PAK5: variants seen among roughly 807,000 people sequenced by gnomAD.
The protein encoded by PAK5 is serine/threonine-protein kinase PAK 5.
In PAK5, 16 loss-of-function variants were observed where a neutral mutation model predicts 65.9. The observed-to-expected ratio is 0.24, with a 90% CI of 0.16 to 0.37. The LOEUF is 0.37. Among genes scored for constraint, PAK5 ranks in the 10% least tolerant of loss-of-function variants. PAK5 has a pLI of 1.00. For missense variants in PAK5, 785 were observed against 903.9 expected (o/e 0.87, Z 1.69); for synonymous variants, 371 against 354.9 (o/e 1.05, Z -0.51).
At chr20:9,809,903 T>C (rs2049278241) in intron 1 of PAK5, among the ~76,000 whole-genome samples, 1 of 152,212 alleles carries the variant, frequency 6.6e-6, no homozygotes, top group African/African-American at 2.4e-5. Flanking sequence ...TGTCAAACTT[T>C]GGAAGACTCT....
At chr20:9,589,140 CA>C (rs1177643106) in intron 3 of PAK5, among the ~76,000 whole-genome samples, 8 of 152,322 alleles carry the variant, frequency 5.3e-5, no homozygotes, top group African/African-American at 1.9e-4. Flanking sequence ...TTTTGTCTTT[CA>C]GGTAAATATA....
intron 1 of PAK5, among the ~76,000 whole-genome samples, chr20:9,734,613 C>T (rs566710392): frequency 1.3e-5 from 2 of 151,418 alleles, no homozygotes; most frequent in East Asian, 3.9e-4. Context: ...AGAAAAACCC[C>T]AGGACCTGCT....
chr20:9,703,945 C>T (rs928704763), intron 2 of PAK5, among the ~76,000 whole-genome samples: 1 of 152,154 alleles, frequency 6.6e-6, no homozygotes, highest in Non-Finnish European at 1.5e-5. Flanking sequence ...AAGGCACCTG[C>T]TTCAGGTGAG....
chr20:9,550,731 GGTGTGT>G (rs111410496), intron 7 of PAK5, among the ~76,000 whole-genome samples: 46 of 148,544 alleles, frequency 3.1e-4, no homozygotes, highest in Non-Finnish European at 5.4e-4. Context: ...CCATAATTGT[GGTGTGT>G]GTGTGTGTGT....
intron 4 of PAK5, among the ~76,000 whole-genome samples, chr20:9,567,603 C>T (rs1022283563): frequency 2.0e-5 from 3 of 152,160 alleles, no homozygotes; most frequent in Non-Finnish European, 4.4e-5. Context: ...TGATTGTTCC[C>T]ATGCAGCACA....
chr20:9,646,289 C>A (rs1056947421), intron 2 of PAK5, among the ~76,000 whole-genome samples: 1 of 152,178 alleles, frequency 6.6e-6, no homozygotes, highest in Non-Finnish European at 1.5e-5. Context: ...CATAAATATT[C>A]TCTCAGCAAT....
intron 4 of PAK5, among the ~76,000 whole-genome samples, chr20:9,574,925 T>A: frequency 6.6e-6 from 1 of 152,212 alleles, no homozygotes. Flanking sequence ...AAACCCTGAA[T>A]GGATCTCTGA....
At chr20:9,740,317 T>C (rs2048437464) in intron 1 of PAK5, among the ~76,000 whole-genome samples, 1 of 152,094 alleles carries the variant, frequency 6.6e-6, no homozygotes, top group East Asian at 1.9e-4. Flanking sequence ...CTAAGACAAA[T>C]TGGTATTCTC....
intron 1 of PAK5, among the ~76,000 whole-genome samples, chr20:9,769,419 C>T (rs2048808859): frequency 6.6e-6 from 1 of 152,234 alleles, no homozygotes; most frequent in Non-Finnish European, 1.5e-5. Flanking sequence ...GTCTCTGTGA[C>T]ATGCTCTACC....
At chr20:9,679,232 T>C (rs1375037421) in intron 2 of PAK5, among the ~76,000 whole-genome samples, 1 of 152,228 alleles carries the variant, frequency 6.6e-6, no homozygotes, top group Non-Finnish European at 1.5e-5. Context: ...CAGTATATAA[T>C]ACATACACCA....
chr20:9,738,356 G>T (rs76037549), intron 1 of PAK5, among the ~76,000 whole-genome samples: 2,388 of 151,964 alleles, frequency 0.016, 21 homozygotes, highest in Middle Eastern at 0.044. Context: ...CCATACAAAG[G>T]CTTATATACA....
intron 2 of PAK5, among the ~76,000 whole-genome samples, chr20:9,650,319 C>G (rs925975369): frequency 3.3e-5 from 5 of 152,152 alleles, no homozygotes; most frequent in Non-Finnish European, 7.3e-5. Context: ...GACCCAGATT[C>G]AGTCTCTTCT....
chr20:9,704,047 T>C (rs556944845), intron 2 of PAK5, among the ~76,000 whole-genome samples: 29 of 152,130 alleles, frequency 1.9e-4, no homozygotes, highest in Non-Finnish European at 4.0e-4. Flanking sequence ...TAAGGGAACT[T>C]AGAAGTTTAA....
chr20:9,624,593 T>C lies in PAK5; in HGVS notation c.204+19532A>G, dbSNP rs546237972. The stretch of plus-strand genomic sequence containing the variant: ...TTCTCCTTACCTCTCTGTCTTATAA[T>C]GTGCTAGTGTTCCCATTATACCCTT... On this transcript the variant is annotated intron_variant, in intron 3 of 9. Coordinates refer to ENST00000353224, the MANE Select transcript of PAK5 (RefSeq NM_177990.4). Among the ~76,000 whole-genome samples, 112 of 131,526 alleles carry C rather than the reference T, an allele frequency of 8.5e-4. 2 individuals are homozygous for C. The highest frequency in any genetic ancestry group is 3.2e-3 in the African/African-American group (111 of 34,900). The allele number at this position is 131,526 out of a possible 152,430, so 86.3% of individuals were successfully genotyped here. A position where few individuals can be genotyped will look rare whatever the true frequency, so the allele number is the denominator to read the frequency against.
At chr20:9,811,044 G>T (rs1478068706) in intron 1 of PAK5, among the ~76,000 whole-genome samples, 2 of 152,188 alleles carry the variant, frequency 1.3e-5, no homozygotes, top group Non-Finnish European at 2.9e-5. Context: ...GGTTTATGTG[G>T]ATAGTATGAT....
chr20:9,545,308 G>A (rs2045327847), intron 7 of PAK5, among the ~76,000 whole-genome samples: 1 of 152,130 alleles, frequency 6.6e-6, no homozygotes, highest in African/African-American at 2.4e-5. Flanking sequence ...CACCCTGCTG[G>A]TTTATGAATT....
chr20:9,564,947 G>C (rs2045650563), intron 5 of PAK5, among the ~76,000 whole-genome samples: 1 of 151,362 alleles, frequency 6.6e-6, no homozygotes, highest in Non-Finnish European at 1.5e-5. Context: ...AATTTTATTA[G>C]TATTAATGTT....
At chr20:9,608,414 T>G (rs1323266703) in intron 3 of PAK5, among the ~76,000 whole-genome samples, 2 of 152,214 alleles carry the variant, frequency 1.3e-5, no homozygotes, top group African/African-American at 2.4e-5. Flanking sequence ...CCAAGAGGAC[T>G]CCAGCGCTTG....
intron 1 of PAK5, among the ~76,000 whole-genome samples, chr20:9,803,239 A>G (rs2049193340): frequency 6.6e-6 from 1 of 152,100 alleles, no homozygotes; most frequent in Non-Finnish European, 1.5e-5. Flanking sequence ...TAGGTTTACT[A>G]GAAATTGACA....
Sources: gnomAD v4.1 joint callset for allele counts (sites outside exome capture counted in the v4.1 genomes callset) on GRCh38, gnomAD v4.1.1 for gene constraint, MANE v1.5 for transcripts, NCBI Gene and HGNC (gene_info 2026-07-23, HGNC 2026-07-21) for gene names.